The following CDH9 variants were observed in gnomAD, a reference collection of about 807,000 sequenced individuals.
The protein encoded by CDH9 is cadherin 9, also known as cadherin-9.
Under a neutral mutation model 70.9 loss-of-function variants are expected in CDH9, and 28 were observed. That is an observed-to-expected ratio of 0.40 (90% CI 0.29 to 0.54). The LOEUF (loss-of-function observed/expected upper bound fraction) is 0.54. Among genes scored for constraint, CDH9 ranks in the 20% least tolerant of loss-of-function variants. The pLI, the probability that CDH9 is intolerant of heterozygous loss-of-function variation, is 0.59. For synonymous variants in CDH9, 409 were observed against 343.1 expected (o/e 1.19, Z -2.12); for missense variants, 874 against 984.4 (o/e 0.89, Z 1.50).
intron 3 of CDH9, among the ~76,000 whole-genome samples, chr5:26,913,278 G>A (rs1413473969): frequency 6.6e-6 from 1 of 151,910 alleles, no homozygotes; most frequent in Non-Finnish European, 1.5e-5. Flanking sequence ...TATGCATATT[G>A]TATATAATAT....
At chr5:26,938,378 CTTGTATA>C (rs1561201613) in intron 2 of CDH9, among the ~76,000 whole-genome samples, 1 of 151,716 alleles carries the variant, frequency 6.6e-6, no homozygotes, top group Non-Finnish European at 1.5e-5. Context: ...AAATTAGATG[CTTGTATA>C]TTCAAAAAAC....
intron 2 of CDH9, among the ~76,000 whole-genome samples, chr5:26,933,514 C>T (rs1019073288): frequency 9.2e-5 from 14 of 151,952 alleles, no homozygotes; most frequent in Non-Finnish European, 1.6e-4. Context: ...CACTGGCTCA[C>T]GCCTGTAATT....
chr5:26,940,851 G>A (rs1741648216), intron 2 of CDH9, among the ~76,000 whole-genome samples: 1 of 152,242 alleles, frequency 6.6e-6, no homozygotes, highest in East Asian at 1.9e-4. Flanking sequence ...AAAAACCAAG[G>A]GCACCTTGCT....
At chr5:27,004,695 G>A (rs1295764136) in intron 1 of CDH9, among the ~76,000 whole-genome samples, 2 of 152,094 alleles carry the variant, frequency 1.3e-5, no homozygotes, top group African/African-American at 2.4e-5. Flanking sequence ...AGATGTTCAG[G>A]TTGTGTGTGG....
intron 2 of CDH9, among the ~76,000 whole-genome samples, chr5:26,987,342 T>G (rs984619491): frequency 9.9e-5 from 15 of 151,946 alleles, no homozygotes; most frequent in African/African-American, 3.6e-4. Flanking sequence ...TGAATTGTCC[T>G]GAGTTTAGAA....
At chr5:26,921,674 A>G (rs1455716148) in intron 2 of CDH9, among the ~76,000 whole-genome samples, 1 of 152,162 alleles carries the variant, frequency 6.6e-6, no homozygotes, top group Non-Finnish European at 1.5e-5. Flanking sequence ...CTTTGAGTGT[A>G]CTGTCTCTCT....
intron 1 of CDH9, among the ~76,000 whole-genome samples, chr5:26,989,538 C>T (rs532668876): frequency 7.9e-4 from 115 of 145,850 alleles, no homozygotes; most frequent in African/African-American, 2.8e-3. Flanking sequence ...CTCTCTCTTT[C>T]TCTCTCTTTC....
chr5:26,932,686 T>C lies in CDH9; in HGVS notation c.229-16762A>G, dbSNP rs532329445. Among the ~76,000 whole-genome samples, 8 of 152,220 alleles carry C rather than the reference T, an allele frequency of 5.3e-5. No individual in the cohort carries two copies. The South Asian group carries it at 1.4e-3, about 28-fold the overall frequency. ...TTATTGAAGACAGCATATTGCTGAG[T>C]CTTGAATTTTAAATACACTCTATTT... On this transcript the variant is annotated intron_variant, in intron 2 of 11. Coordinates refer to ENST00000231021, the MANE Select transcript of CDH9 (RefSeq NM_016279.4).
chr5:26,964,252 G>T (rs1477693056), intron 2 of CDH9, among the ~76,000 whole-genome samples: 1 of 151,808 alleles, frequency 6.6e-6, no homozygotes, highest in Admixed American at 6.6e-5. Context: ...AGAACATGGG[G>T]AAATATTTTT....
At chr5:26,950,312 G>A (rs1741822718) in intron 2 of CDH9, among the ~76,000 whole-genome samples, 1 of 152,156 alleles carries the variant, frequency 6.6e-6, no homozygotes, top group Admixed American at 6.6e-5. Flanking sequence ...GCGTGGAAGT[G>A]TATGGGACAT....
chr5:26,929,797 T>C (rs149737069), intron 2 of CDH9, among the ~76,000 whole-genome samples: 10 of 152,120 alleles, frequency 6.6e-5, no homozygotes, highest in African/African-American at 2.4e-4. Flanking sequence ...ATTAAAACAA[T>C]TGTGTTCATG....
intron 2 of CDH9, among the ~76,000 whole-genome samples, chr5:26,976,559 T>A (rs1742305479): frequency 6.6e-6 from 1 of 152,064 alleles, no homozygotes; most frequent in Non-Finnish European, 1.5e-5. Flanking sequence ...CACCTCAGCC[T>A]CCCAAAGAGC....
intron 2 of CDH9, among the ~76,000 whole-genome samples, chr5:26,964,767 C>T (rs1742099702): frequency 6.6e-6 from 1 of 151,820 alleles, no homozygotes; most frequent in South Asian, 2.1e-4. Flanking sequence ...TCTCCTAATG[C>T]TATCCCACCT....
intron 1 of CDH9, among the ~76,000 whole-genome samples, chr5:27,003,538 A>T (rs1459518490): frequency 6.6e-6 from 1 of 152,092 alleles, no homozygotes; most frequent in African/African-American, 2.4e-5. Flanking sequence ...TCCTTACAAT[A>T]TGTTGAAAAT....
At chr5:27,010,434 C>T (rs2112114551) in intron 1 of CDH9, among the ~76,000 whole-genome samples, 1 of 152,172 alleles carries the variant, frequency 6.6e-6, no homozygotes, top group South Asian at 2.1e-4. Context: ...CCCAGCAATC[C>T]CTCATGTGTG....
intron 2 of CDH9, among the ~76,000 whole-genome samples, chr5:26,952,458 C>CAAAAAAAAAA (rs766973787): frequency 2.6e-3 from 26 of 9,966 alleles, no homozygotes; most frequent in Non-Finnish European, 5.8e-3. Context: ...ACTAAAAATA[C>CAAAAAAAAAA]AAAAAAAAAA....
At chr5:26,933,336 A>G (rs1412837888) in intron 2 of CDH9, among the ~76,000 whole-genome samples, 1 of 151,646 alleles carries the variant, frequency 6.6e-6, no homozygotes, top group East Asian at 1.9e-4. Flanking sequence ...ACCATGAAAA[A>G]TATTTGTTTT....
At chr5:26,927,340 A>G (rs1413616763) in intron 2 of CDH9, among the ~76,000 whole-genome samples, 1 of 152,038 alleles carries the variant, frequency 6.6e-6, no homozygotes, top group East Asian at 1.9e-4. Context: ...TGGAGAAGAC[A>G]AGGATGCCCA....
At chr5:26,903,597 T>C in intron 6 of CDH9, 40 bp downstream of exon 6, 1 of 1,322,826 alleles carries the variant, frequency 7.6e-7, no homozygotes, top group Non-Finnish European at 1.1e-6. Flanking sequence ...ACGTAAATTA[T>C]AAAGCACTCA....
Sources: allele counts gnomAD v4.1 joint callset (sites outside exome capture counted in the v4.1 genomes callset), GRCh38; gene constraint gnomAD v4.1.1; transcripts MANE v1.5; gene names NCBI Gene and HGNC (gene_info 2026-07-23, HGNC 2026-07-21).